Variants in TPD52 observed in about 807,000 individuals in gnomAD.
TPD52 encodes tumor protein D52.
A neutral mutation model predicts 31.3 loss-of-function variants in TPD52; 17 were observed. That is an observed-to-expected ratio of 0.54 (90% CI 0.37 to 0.82). The LOEUF is 0.82. Among genes scored for constraint, TPD52 ranks in the 40% least tolerant of loss-of-function variants. TPD52 has a pLI of 0.00. For missense variants in TPD52, 212 were observed against 240.1 expected, an observed-to-expected ratio of 0.88 and a Z score of 0.77; for synonymous variants, 83 against 89.6, an observed-to-expected ratio of 0.93 and a Z score of 0.42.
At chr8:80,158,277 C>A (rs1811105035) in intron 1 of TPD52, among the ~76,000 whole-genome samples, 1 of 151,886 alleles carries the variant, frequency 6.6e-6, no homozygotes, top group Non-Finnish European at 1.5e-5. Flanking sequence ...CCTCTTCAAC[C>A]CCAACCCAAT....
At chr8:80,164,608 G>T (rs1215765333) in intron 1 of TPD52, among the ~76,000 whole-genome samples, 1 of 152,200 alleles carries the variant, frequency 6.6e-6, no homozygotes, top group African/African-American at 2.4e-5. Context: ...GTTAGGCTGG[G>T]TATGGTGGCC....
At chr8:80,154,275 G>A (rs563902444) in intron 1 of TPD52, among the ~76,000 whole-genome samples, 1 of 152,234 alleles carries the variant, frequency 6.6e-6, no homozygotes, top group Non-Finnish European at 1.5e-5. Context: ...GGGAGTATCA[G>A]GAGGGCTCCC....
rs566291359 is a variant in TPD52 at position 80,107,752 on chromosome 8, T to G, written c.20-43159A>C. On this transcript the variant is annotated intron_variant, in intron 1 of 7. Coordinates refer to ENST00000518937, the MANE Select transcript of TPD52 (RefSeq NM_001025253.3). ...ATGCAGAAACTGACCCAAATGTGTG[T>G]TTTTTTTTTAATAAGTTCACATGAT... Among the ~76,000 whole-genome samples the G allele has an allele frequency of 2.3e-4, 30 of 127,714 alleles. No individual in the cohort carries two copies. The South Asian group carries it at 4.0e-3, about 17-fold the overall frequency. The allele number at this position is 127,714 out of a possible 152,430, so 83.8% of individuals were successfully genotyped here.
intron 1 of TPD52, among the ~76,000 whole-genome samples, chr8:80,079,205 A>AG (rs977630003): frequency 3.3e-5 from 5 of 152,180 alleles, no homozygotes; most frequent in African/African-American, 4.8e-5. Context: ...CAGAGGTCTG[A>AG]GGGGGGCCAC....
chr8:80,054,056 G>A lies in TPD52; in HGVS notation c.136-626C>T, dbSNP rs150769120. Among the ~76,000 whole-genome samples the A allele has an allele frequency of 7.9e-3, 1,197 of 152,270 alleles. 16 individuals carry two copies. The highest frequency in any genetic ancestry group is 0.027 in the African/African-American group (1,104 of 41,552). ...TCATGTGAACCCCTTGATGCTGACT[G>A]CCCAGACTTGACTAGGTGGTTAGAG... is the stretch of plus-strand genomic sequence containing the variant. On this transcript the variant is annotated intron_variant, in intron 2 of 7. Transcript: ENST00000518937.
intron 1 of TPD52, among the ~76,000 whole-genome samples, chr8:80,095,963 T>TACAC (rs1443883085): frequency 1.3e-5 from 2 of 151,538 alleles, no homozygotes. Context: ...CATACATACA[T>TACAC]ACATACTATC....
intron 6 of TPD52, 48 bp downstream of exon 6, chr8:80,044,119 G>A (rs1294902114): frequency 6.7e-7 from 1 of 1,492,280 alleles, no homozygotes. Flanking sequence ...TCTAAATAAA[G>A]AAAAATAAAG....
intron 4 of TPD52, chr8:80,051,220 A>C: frequency 7.5e-6 from 3 of 398,288 alleles, no homozygotes; most frequent in Non-Finnish European, 1.4e-5. Context: ...CTCTGCCCAC[A>C]ATCACAAATT....
At chr8:80,154,743 ACAC>A (rs1363322449) in intron 1 of TPD52, among the ~76,000 whole-genome samples, 25 of 66,542 alleles carry the variant, frequency 3.8e-4, no homozygotes, top group African/African-American at 8.2e-4. Flanking sequence ...ACACACACAC[ACAC>A]ACACACAAAA....
intron 1 of TPD52, among the ~76,000 whole-genome samples, chr8:80,078,295 A>T (rs992376138): frequency 6.6e-6 from 1 of 152,014 alleles, no homozygotes; most frequent in East Asian, 1.9e-4. Context: ...AGTATTCCCA[A>T]CCTCTCTGGG....
Position 80,086,607 on chromosome 8 carries a change from C to T in TPD52, c.20-22014G>A, listed in dbSNP as rs557507904. ...CAAATTTACTGGCTGGGCTTGGTGGCTCACACCTGTAATCCTGGCACTTTG... is the reference window on the plus strand; with the variant it reads ...CAAATTTACTGGCTGGGCTTGGTGGTTCACACCTGTAATCCTGGCACTTTG... On this transcript the variant is annotated intron_variant, in intron 1 of 7. Coordinates refer to ENST00000518937, the MANE Select transcript of TPD52 (RefSeq NM_001025253.3). 3.9e-5 allele frequency among the ~76,000 whole-genome samples: 6 copies of T among 152,044 alleles called. No homozygotes were observed. In the East Asian group the frequency reaches 5.8e-4, roughly 15 times the overall value.
chr8:80,042,486 C>T (rs1810482805), intron 7 of TPD52, 134 bp downstream of exon 7: 1 of 1,442,796 alleles, frequency 6.9e-7, no homozygotes, highest in Non-Finnish European at 9.1e-7. Context: ...CCACTAGTAA[C>T]ATAAGGAGTA....
intron 1 of TPD52, among the ~76,000 whole-genome samples, chr8:80,117,734 C>CT (rs57998208): frequency 0.5 from 65,629 of 131,238 alleles, 16,815 homozygotes; most frequent in East Asian, 0.71. Context: ...TTTTTTCTTT[C>CT]TTTTTTTTTT....
At chr8:80,162,795 G>A (rs1009509993) in intron 1 of TPD52, among the ~76,000 whole-genome samples, 1 of 151,020 alleles carries the variant, frequency 6.6e-6, no homozygotes. Context: ...TGGCACAATG[G>A]CTCAACCTGT....
At position 80,151,802 on chromosome 8, in the gene TPD52, C is replaced by G. The variant is rs140149530; in HGVS notation, c.19+19623G>C. 9.8e-3 allele frequency among the ~76,000 whole-genome samples: 1,488 copies of G among 152,202 alleles called. 25 individuals carry two copies. Among genetic ancestry groups the G allele is most frequent in the African/African-American group, 0.033 (1,373 of 41,512 alleles). The stretch of plus-strand genomic sequence containing the variant: ...TTATAGAATGGAGGCTGCCCACTTA[C>G]CAAATAATGAATAAATGCCAATTAG... On this transcript the variant is annotated intron_variant, in intron 1 of 7. Transcript: ENST00000518937.
At chr8:80,106,346 TGTTGTTGTTGTG>T (rs1458544118) in intron 1 of TPD52, among the ~76,000 whole-genome samples, 14 of 152,096 alleles carry the variant, frequency 9.2e-5, no homozygotes, top group Admixed American at 8.5e-4. Context: ...GGTTTATTGT[TGTTGTTGTTGTG>T]GTTGTTGTTG....
At chr8:80,097,646 C>A (rs1467589931) in intron 1 of TPD52, among the ~76,000 whole-genome samples, 1 of 152,192 alleles carries the variant, frequency 6.6e-6, no homozygotes, top group Non-Finnish European at 1.5e-5. Context: ...TTCCTGAGGC[C>A]TCCCCAGCCA....
chr8:80,112,772 C>T (rs7011637), intron 1 of TPD52, among the ~76,000 whole-genome samples: 67,462 of 151,846 alleles, frequency 0.44, 15,459 homozygotes, highest in East Asian at 0.79. Flanking sequence ...CAACAATATT[C>T]GACCTGGCTT....
At chr8:80,113,908 A>G (rs530838969) in intron 1 of TPD52, among the ~76,000 whole-genome samples, 200 of 152,326 alleles carry the variant, frequency 1.3e-3, no homozygotes, top group Non-Finnish European at 2.3e-3. Context: ...TCTGTATCTA[A>G]TAAATATATA....
Sources: allele counts gnomAD v4.1 joint callset (sites outside exome capture counted in the v4.1 genomes callset), GRCh38; gene constraint gnomAD v4.1.1; transcripts MANE v1.5; gene names NCBI Gene and HGNC (gene_info 2026-07-23, HGNC 2026-07-21).